The following KIAA0825 variants were observed in gnomAD, a reference collection of about 807,000 sequenced individuals.
KIAA0825 encodes KIAA0825, also known as uncharacterized protein KIAA0825.
Under a neutral mutation model 147.6 loss-of-function variants are expected in KIAA0825, and 119 were observed. The ratio of observed to expected loss-of-function variants is 0.81; its 90% CI spans 0.69 to 0.94. The LOEUF (loss-of-function observed/expected upper bound fraction) is 0.94, where lower values mean the gene tolerates loss of function less well. Among genes scored for constraint, KIAA0825 ranks in the 40% least tolerant of loss-of-function variants. The pLI is 0.00. For synonymous variants in KIAA0825, 470 were observed against 518.1 expected (o/e 0.91, Z 1.26); for missense variants, 1,381 against 1,472.7 (o/e 0.94, Z 1.02).
At chr5:94,325,482 C>G (rs1178454718) in intron 20 of KIAA0825, among the ~76,000 whole-genome samples, 1 of 151,864 alleles carries the variant, frequency 6.6e-6, no homozygotes, top group Non-Finnish European at 1.5e-5. Context: ...ATGGATGTGA[C>G]TATAAAATAG....
chr5:94,160,076 T>C (rs1367192028), intron 20 of KIAA0825, among the ~76,000 whole-genome samples: 1 of 152,170 alleles, frequency 6.6e-6, no homozygotes, highest in African/African-American at 2.4e-5. Context: ...CAGTGCAGAC[T>C]GGTTTTTCAG....
At chr5:94,297,680 CCACCT>C (rs1406014812) in intron 20 of KIAA0825, among the ~76,000 whole-genome samples, 14 of 151,968 alleles carry the variant, frequency 9.2e-5, no homozygotes, top group Non-Finnish European at 4.4e-5. Flanking sequence ...ACTTCAACCT[CCACCT>C]CCTGGGCTCA....
At chr5:94,249,317 C>G (rs1393641818) in intron 20 of KIAA0825, among the ~76,000 whole-genome samples, 3 of 152,038 alleles carry the variant, frequency 2.0e-5, no homozygotes, top group African/African-American at 7.2e-5. Context: ...GATGCCAGTG[C>G]CAGCCCTATA....
intron 20 of KIAA0825, among the ~76,000 whole-genome samples, chr5:94,265,766 AT>A (rs762950143): frequency 6.6e-6 from 1 of 152,222 alleles, no homozygotes; most frequent in Non-Finnish European, 1.5e-5. Context: ...GCGCCATTGC[AT>A]TCCAGCCTGG....
intron 1 of KIAA0825, among the ~76,000 whole-genome samples, chr5:94,598,776 C>T (rs1785767488): frequency 6.6e-6 from 1 of 152,104 alleles, no homozygotes; most frequent in Non-Finnish European, 1.5e-5. Flanking sequence ...CCATGATAAT[C>T]ATATGGGACC....
At chr5:94,352,231 A>C (rs1562406055) in intron 20 of KIAA0825, among the ~76,000 whole-genome samples, 1 of 152,218 alleles carries the variant, frequency 6.6e-6, no homozygotes, top group Non-Finnish European at 1.5e-5. Flanking sequence ...AGAACAAAAC[A>C]AACAATCCCA....
At chr5:94,315,216 A>C (rs1405333960) in intron 20 of KIAA0825, among the ~76,000 whole-genome samples, 1 of 151,652 alleles carries the variant, frequency 6.6e-6, no homozygotes, top group African/African-American at 2.4e-5. Context: ...AAATACTAAA[A>C]AGGCGTCTTC....
intron 20 of KIAA0825, among the ~76,000 whole-genome samples, chr5:94,295,316 T>C (rs1027777245): frequency 1.3e-5 from 2 of 152,044 alleles, no homozygotes; most frequent in Non-Finnish European, 2.9e-5. Context: ...AGTTAGCAAT[T>C]CCTCCAACCT....
intron 20 of KIAA0825, among the ~76,000 whole-genome samples, chr5:94,194,743 AC>A (rs1381647360): frequency 3.3e-5 from 5 of 152,084 alleles, no homozygotes; most frequent in Non-Finnish European, 4.4e-5. Flanking sequence ...ATATTTCTGG[AC>A]CCATATTCAA....
intron 2 of KIAA0825, chr5:94,570,229 A>G (rs768721995): frequency 1.3e-5 from 2 of 151,896 alleles, no homozygotes; most frequent in Non-Finnish European, 2.9e-5. Flanking sequence ...AAGACATCCT[A>G]GGCCTATTCC....
chr5:94,556,471 T>C (rs750274120), intron 2 of KIAA0825, among the ~76,000 whole-genome samples: 5 of 152,220 alleles, frequency 3.3e-5, no homozygotes, highest in Non-Finnish European at 1.5e-5. Context: ...TGCTTTCTTC[T>C]AAAGGATTTA....
chr5:94,474,787 CTCTTA>C (rs1030159524), intron 7 of KIAA0825, among the ~76,000 whole-genome samples: 24 of 152,192 alleles, frequency 1.6e-4, no homozygotes, highest in Middle Eastern at 3.4e-3. Flanking sequence ...AAACACATCT[CTCTTA>C]TCTTATATTT....
At chr5:94,254,849 A>G (rs1443889901) in intron 20 of KIAA0825, among the ~76,000 whole-genome samples, 1 of 152,110 alleles carries the variant, frequency 6.6e-6, no homozygotes, top group African/African-American at 2.4e-5. Flanking sequence ...CTGAAGACAC[A>G]GTAATATGTC....
chr5:94,389,404 G>A (rs1229823951), intron 18 of KIAA0825, among the ~76,000 whole-genome samples: 1 of 152,140 alleles, frequency 6.6e-6, no homozygotes, highest in African/African-American at 2.4e-5. Context: ...TCTTGAACCT[G>A]GTGCCAACCC....
chr5:94,469,142 T>C (rs1173816226), intron 10 of KIAA0825, among the ~76,000 whole-genome samples: 1 of 152,044 alleles, frequency 6.6e-6, no homozygotes, highest in Non-Finnish European at 1.5e-5. Context: ...TAAATGAAAA[T>C]AGGTAAACTA....
chr5:94,472,540 T>C lies in KIAA0825; in HGVS notation c.1455+752A>G, dbSNP rs144673345. Among the ~76,000 whole-genome samples the C allele has an allele frequency of 1.6e-3, 241 of 152,184 alleles. 2 individuals are homozygous for C. Among genetic ancestry groups the C allele is most frequent in the East Asian group, 0.011 (57 of 5,166 alleles). On this transcript the variant is annotated intron_variant, in intron 8 of 20. Coordinates refer to ENST00000682413, the MANE Select transcript of KIAA0825 (RefSeq NM_001145678.3). ...GCGGGCGGATCACAAGGTCGGAGAT[T>C]GAGACCATCCTGACTAACACGGTGA...
chr5:94,214,283 T>C (rs1773012822), intron 20 of KIAA0825, among the ~76,000 whole-genome samples: 1 of 152,212 alleles, frequency 6.6e-6, no homozygotes, highest in African/African-American at 2.4e-5. Flanking sequence ...ATAAAGATCA[T>C]ACCCTTCCTT....
intron 20 of KIAA0825, among the ~76,000 whole-genome samples, chr5:94,297,469 C>G (rs557293071): frequency 2.6e-5 from 4 of 151,912 alleles, no homozygotes; most frequent in Admixed American, 6.6e-5. Context: ...TATGTTTTTT[C>G]CTTTTCCTAT....
chr5:94,347,785 A>C (rs1783186700), intron 20 of KIAA0825, among the ~76,000 whole-genome samples: 1 of 152,212 alleles, frequency 6.6e-6, no homozygotes, highest in Non-Finnish European at 1.5e-5. Context: ...GATCCAAACC[A>C]AGAAGAAATC....
Sources: gnomAD v4.1 joint callset for allele counts (sites outside exome capture counted in the v4.1 genomes callset) on GRCh38, gnomAD v4.1.1 for gene constraint, MANE v1.5 for transcripts, NCBI Gene and HGNC (gene_info 2026-07-23, HGNC 2026-07-21) for gene names.